The following NFRKB variants were observed in gnomAD, a reference collection of about 807,000 sequenced individuals.
NFRKB encodes nuclear factor related to kappa-B-binding protein.
A neutral mutation model predicts 135.7 loss-of-function variants in NFRKB; 62 were observed. That is an observed-to-expected ratio of 0.46 (90% CI 0.37 to 0.56). The LOEUF is 0.56. NFRKB is among the 20% of genes least tolerant of loss of function. The pLI is 0.00. For synonymous variants in NFRKB, 678 were observed against 635.6 expected (o/e 1.07, Z -1.00); for missense variants, 1,545 against 1,662.0 (o/e 0.93, Z 1.22).
intron 6 of NFRKB, 32 bp downstream of exon 6, chr11:129,885,403 C>A: frequency 1.3e-6 from 2 of 1,578,740 alleles, no homozygotes; most frequent in Non-Finnish European, 1.7e-6. Flanking sequence ...CATCCAATAC[C>A]CCAGCTACCC....
At chr11:129,873,257 G>A (rs184042577) in intron 22 of NFRKB, among the ~76,000 whole-genome samples, 161 bp from the exon 23 acceptor site, 1 of 152,312 alleles carries the variant, frequency 6.6e-6, no homozygotes, top group African/African-American at 2.4e-5. Context: ...CACTGTAAAT[G>A]TCTCATTTGT....
intron 22 of NFRKB, 91 bp downstream of exon 22, chr11:129,873,654 C>G (rs1948622698): frequency 2.6e-6 from 4 of 1,516,968 alleles, no homozygotes; most frequent in Non-Finnish European, 3.6e-6. Flanking sequence ...TATGGCTCCC[C>G]AGTCCTTACC....
At position 129,882,151 on chromosome 11, in the gene NFRKB, A is replaced by T. The variant is rs778039869; in HGVS notation, c.1126T>A (p.Ser376Thr). Residue 376 changes from serine (S) to threonine (T), a missense_variant, in exon 11 of 27, where the codon TCT (serine) becomes ACT (threonine). Coordinates refer to ENST00000682444, the MANE Select transcript of NFRKB (RefSeq NM_001143835.2). ...LKPCLGINEI[S>T]SSFFSLLLEI... ...AATAGAAGAGAGAAGAAGCTGGAAG[A>T]TATTTCATTGATTCCAAGGCAAGGC... is the stretch of plus-strand genomic sequence containing the variant. 4.8e-5 allele frequency: 78 copies of T among 1,613,478 alleles called. 1 individual carries two copies. The highest frequency in any genetic ancestry group is 6.3e-5 in the Non-Finnish European group (74 of 1,179,874).
intron 23 of NFRKB, chr11:129,872,505 C>T (rs1042663501): frequency 1.2e-5 from 2 of 173,820 alleles, no homozygotes; most frequent in Non-Finnish European, 2.5e-5. Context: ...CTTTGAAGTT[C>T]GATGATTATT....
Position 129,886,469 on chromosome 11 carries a change from T to C in NFRKB, c.338-25A>G. ...TCTTAAAAAAATAAAGGTATATATA[T>C]TTACATCAATCAACAAATATACATC... On this transcript the variant is annotated intron_variant, in intron 4 of 26. Coordinates refer to ENST00000682444, the MANE Select transcript of NFRKB (RefSeq NM_001143835.2). 1.9e-6 allele frequency: 3 copies of C among 1,606,888 alleles called. No homozygotes were observed. In the African/African-American group the frequency reaches 4.0e-5, roughly 21 times the overall value.
chr11:129,868,436 C>G (rs940317936), intron 24 of NFRKB, among the ~76,000 whole-genome samples: 1 of 152,204 alleles, frequency 6.6e-6, no homozygotes, highest in Admixed American at 6.5e-5. Context: ...GACGTGGTAT[C>G]AGCACTGCTT....
At position 129,869,640 on chromosome 11, in the gene NFRKB, C is replaced by A; in HGVS notation, c.3385G>T (p.Val1129Leu). 6.2e-7 allele frequency: 1 copy of A among 1,614,204 alleles called. No individual in the cohort carries two copies. Among genetic ancestry groups the A allele is most frequent in the East Asian group, 2.2e-5 (1 of 44,888 alleles). The change falls in exon 24 of 27, where the codon GTG becomes TTG. Residue 1129 changes from valine (V) to leucine (L), a missense_variant. By Grantham distance (32) the Val-to-Leu change is conservative. Transcript: ENST00000682444. ...GCAGCATTCATACTGGGTAAGGACA[C>A]CGCTGAAGTATGGACAGTTCCAGAC... ...SGSGTVHTSA[V>L]SLPSMNAAVS... is the part of the protein sequence containing the mutation.
In NFRKB at chr11:129,882,205, A is replaced by G; in HGVS notation, c.1083-11T>C. 2 of 1,590,188 alleles carry G rather than the reference A, an allele frequency of 1.3e-6. No homozygotes were observed. Among genetic ancestry groups the G allele is most frequent in the Non-Finnish European group, 1.7e-6 (2 of 1,172,216 alleles). ...AGGTCTTCAAGGGGCCTAATGAGGG[A>G]AGAAAAATATAAGAACCAAAAAGAC... On this transcript the variant is annotated splice_polypyrimidine_tract_variant and intron_variant, in intron 10 of 26. Transcript: ENST00000682444.
chr11:129,893,350 T>A lies in NFRKB; in HGVS notation c.-21-480A>T, dbSNP rs974299185. 6 of 416,634 alleles carry A rather than the reference T, an allele frequency of 1.4e-5. 1 individual carries two copies. Among genetic ancestry groups the A allele is most frequent in the Non-Finnish European group, 2.3e-5 (5 of 215,494 alleles). The allele number at this position is 416,634 out of a possible 1,614,324, so 25.8% of individuals were successfully genotyped here. ...GGCAGTCCCCTTGAATCCATGAGTTTGAGACCAGCCTAGCGAACATGGCAA... is the reference window on the plus strand; with the variant it reads ...GGCAGTCCCCTTGAATCCATGAGTTAGAGACCAGCCTAGCGAACATGGCAA... On this transcript the variant is annotated intron_variant, in intron 2 of 26. Transcript: ENST00000682444.
intron 13 of NFRKB, among the ~76,000 whole-genome samples, chr11:129,880,850 T>A (rs971067264): frequency 1.3e-5 from 2 of 152,170 alleles, no homozygotes; most frequent in African/African-American, 4.8e-5. Flanking sequence ...TAACCTGCTC[T>A]CCATACGCTT....
At position 129,874,601 on chromosome 11, in the gene NFRKB, C is replaced by T. The variant is rs750550943; in HGVS notation, c.1979-21G>A. The T allele has an allele frequency of 2.5e-6, 4 of 1,613,114 alleles. No individual in the cohort carries two copies. The highest frequency in any genetic ancestry group is 3.4e-6 in the Non-Finnish European group (4 of 1,179,654). On this transcript the variant is annotated intron_variant, in intron 19 of 26. Transcript: ENST00000682444. The surrounding 1 kb of genome is among the most constrained non-coding windows in gnomAD (Gnocchi z 4.5). ...CCGCTCTGTGAACAAGAGGGGCAAG[C>T]TTCAGCCAGAGTTTAACCTTAGCAA...
chr11:129,888,186 G>A (rs1949370090), intron 4 of NFRKB: 1 of 500,744 alleles, frequency 2.0e-6, no homozygotes, highest in Non-Finnish European at 3.5e-6. Context: ...GCAGTGAAGT[G>A]TCATATTTTC....
At chr11:129,868,217 A>T (rs759326681) in intron 24 of NFRKB, among the ~76,000 whole-genome samples, 25 of 152,224 alleles carry the variant, frequency 1.6e-4, no homozygotes, top group Non-Finnish European at 3.2e-4. Context: ...TCACATCCAC[A>T]GATTCCGTAT....
In NFRKB at chr11:129,878,364, A is replaced by G. The variant is rs371921932; in HGVS notation, c.1465-9T>C. 9.3e-5 allele frequency: 150 copies of G among 1,614,106 alleles called. 1 individual carries two copies. The highest frequency in any genetic ancestry group is 1.2e-4 in the Non-Finnish European group (142 of 1,180,054). The stretch of plus-strand genomic sequence containing the variant: ...CTGTCTTCATTTTCTTGCTGGAGAA[A>G]AAGAAAACGTTGACAGGTAAATGGA... On this transcript the variant is annotated splice_polypyrimidine_tract_variant and intron_variant, in intron 14 of 26. Coordinates refer to ENST00000682444, the MANE Select transcript of NFRKB (RefSeq NM_001143835.2).
rs1408637259 is a variant in NFRKB at position 129,876,967 on chromosome 11, T to C, written c.1573-72A>G. ...TTCTCTCTCGGGCTTCCTTACAATATAAGCAGATCCACATGGAACAATTAA... is the reference window on the plus strand; with the variant it reads ...TTCTCTCTCGGGCTTCCTTACAATACAAGCAGATCCACATGGAACAATTAA... On this transcript the variant is annotated intron_variant, in intron 16 of 26. Coordinates refer to ENST00000682444, the MANE Select transcript of NFRKB (RefSeq NM_001143835.2). The C allele has an allele frequency of 8.0e-6, 11 of 1,382,936 alleles. No individual in the cohort carries two copies. In the East Asian group the frequency reaches 1.4e-4, roughly 17 times the overall value. The allele number at this position is 1,382,936 out of a possible 1,614,324, so 85.7% of individuals were successfully genotyped here.
In NFRKB at chr11:129,880,396, C is replaced by G. The variant is rs144959520; in HGVS notation, c.1384+1047G>C. ...CCACCTAAGTCTTTCTCAAACGTAT[C>G]CATCCTCTCTCCCTGTGTCTAAATT... is the stretch of plus-strand genomic sequence containing the variant. On this transcript the variant is annotated intron_variant, in intron 13 of 26. Transcript: ENST00000682444. Among the ~76,000 whole-genome samples the G allele has an allele frequency of 2.8e-3, 426 of 152,170 alleles. 2 individuals are homozygous for G. Among genetic ancestry groups the G allele is most frequent in the African/African-American group, 9.9e-3 (411 of 41,520 alleles).
rs866745199 is a variant in NFRKB, at chr11:129,874,318, C to A, written c.2074G>T (p.Glu692Ter). The A allele has an allele frequency of 2.0e-6, 3 of 1,517,648 alleles. No homozygotes were observed. The highest frequency in any genetic ancestry group is 2.6e-6 in the Non-Finnish European group (3 of 1,135,580). The allele number at this position is 1,517,648 out of a possible 1,614,324, so 94.0% of individuals were successfully genotyped here. Reference sequence around the variant, plus strand: ...CTGCTAAGGACCTTTATGGAGCTCTCCTTGCTACTGGACTTCTAGAACGGA... The same window carrying A: ...CTGCTAAGGACCTTTATGGAGCTCTACTTGCTACTGGACTTCTAGAACGGA... ...PPSKVKSSSK[E>*]SSIKVLSSGP... Residue 692 changes from glutamate (E) to a stop codon, truncating the protein, a stop_gained, in exon 21 of 27, where the codon GAG becomes TAG. Transcript: ENST00000682444. LOFTEE classifies it high-confidence loss of function. This position sits in a 1 kb window ranked among gnomAD's most constrained non-coding sequence, Gnocchi z 4.5.
Position 129,869,578 on chromosome 11 carries a change from T to C in NFRKB, c.3447A>G (p.Ala1149=), listed in dbSNP as rs144449934. 12 of 1,614,030 alleles carry C rather than the reference T, an allele frequency of 7.4e-6. No individual in the cohort carries two copies. The African/African-American group carries it at 1.6e-4, about 22-fold the overall frequency. ...CTGTGCTGATGCTGATGGGGGTGCTTGCAGCCCCAGAAGCCACAGCTACAG... is the reference window on the plus strand; with the variant it reads ...CTGTGCTGATGCTGATGGGGGTGCTCGCAGCCCCAGAAGCCACAGCTACAG... ...SKTVAVASGA[A]STPISISTGA... The change falls in exon 24 of 27, where the codon GCA becomes GCG. Residue 1149 remains alanine (A), a synonymous_variant. Coordinates refer to ENST00000682444, the MANE Select transcript of NFRKB (RefSeq NM_001143835.2).
At position 129,873,832 on chromosome 11, in the gene NFRKB, T is replaced by A; in HGVS notation, c.2463A>T (p.Gly821=). The change falls in exon 22 of 27, where the codon GGA becomes GGT. Residue 821 remains glycine (G), a synonymous_variant. Transcript: ENST00000682444. ...TCTGTGGCAATGTCTGTGCCGGCCC[T>A]CCCGACTGCTGGGGAACAGCAGGAA... ...PSLPAVPQQS[G]GPAQTLPQMP... is the part of the protein sequence containing the mutation. The A allele has an allele frequency of 6.2e-7, 1 of 1,614,150 alleles. No individual in the cohort carries two copies. Among genetic ancestry groups the A allele is most frequent in the Non-Finnish European group, 8.5e-7 (1 of 1,180,040 alleles).
Sources: allele counts gnomAD v4.1 joint callset (sites outside exome capture counted in the v4.1 genomes callset), GRCh38; gene constraint gnomAD v4.1.1; non-coding constraint Gnocchi (gnomAD v3.1); transcripts MANE v1.5; gene names NCBI Gene and HGNC (gene_info 2026-07-23, HGNC 2026-07-21).